Variants in EPPK1 observed in about 807,000 individuals in gnomAD.
EPPK1 encodes the protein epiplakin 1.
For missense variants in EPPK1, 3,823 were observed against 3,673.3 expected (o/e 1.04, Z -1.05); for synonymous variants, 1,862 against 1,721.2 (o/e 1.08, Z -2.03).
Position 143,867,184 on chromosome 8 carries a change from G to A in EPPK1, c.6070C>T (p.Arg2024Trp), listed in dbSNP as rs782809770. 31 of 1,612,616 alleles carry A rather than the reference G, an allele frequency of 1.9e-5. No homozygotes were observed. The Middle Eastern group carries it at 4.9e-4, about 26-fold the overall frequency. The change falls in exon 2 of 2, where the codon CGG becomes TGG. Residue 2024 changes from arginine to tryptophan, a missense_variant. Arg to Trp is a moderately radical substitution (Grantham distance 101). Transcript: ENST00000615648. ...CTGTAGGCTGTTTCCAGTGGGAGCC[G>A]GTGGTGGTGCTGTGGGTCGATGACA... ...GGVIDPQHHH[R>W]LPLETAYRRG...
Position 143,873,291 on chromosome 8 carries a change from C to T in EPPK1, c.-38G>A, listed in dbSNP as rs1554661936. 2.0e-6 allele frequency: 3 copies of T among 1,487,106 alleles called. No individual in the cohort carries two copies. Among genetic ancestry groups the T allele is most frequent in the African/African-American group, 2.8e-5 (2 of 71,296 alleles). 92.1% of individuals were successfully genotyped at this position (1,487,106 alleles called of 1,614,324 possible). On this transcript the variant is annotated 5_prime_UTR_variant, in exon 2 of 2. In the 5' UTR this introduces an upstream ATG that the reference lacks. Coordinates refer to ENST00000615648, the MANE Select transcript of EPPK1 (RefSeq NM_031308.4). Reference sequence around the variant, plus strand: ...GTTATGCAGAGCCTGCTGAGGTCCACCTCTGTCCTGCAGGGGACAGAAAGG... The same window carrying T: ...GTTATGCAGAGCCTGCTGAGGTCCATCTCTGTCCTGCAGGGGACAGAAAGG...
Position 143,868,432 on chromosome 8 carries a change from G to C in EPPK1, c.4822C>G (p.Gln1608Glu). The change falls in exon 2 of 2, where the codon CAG becomes GAG. Residue 1608 changes from glutamine (Q) to glutamate (E), a missense_variant. Transcript: ENST00000615648. ...TCGATGATGAAGCCGGTAGCTGCCT[G>C]TGCCTCCAGCAGCACCAGGGCTGTG... ...PGTALVLLEA[Q>E]AATGFIIDPV... The C allele has an allele frequency of 6.2e-7, 1 of 1,612,598 alleles. No homozygotes were observed.
rs782150393 is a variant in EPPK1 at position 143,870,967 on chromosome 8, C to T, written c.2287G>A (p.Asp763Asn). 3.7e-6 allele frequency: 6 copies of T among 1,613,500 alleles called. No individual in the cohort carries two copies. Among genetic ancestry groups the T allele is most frequent in the South Asian group, 2.2e-5 (2 of 91,088 alleles). ...TTGGGGTCGAAGAAGCCCTTGGTGTCGTCAGAAGGGTCCAACAGGATCAAG... is the reference window on the plus strand; with the variant it reads ...TTGGGGTCGAAGAAGCCCTTGGTGTTGTCAGAAGGGTCCAACAGGATCAAG... Reference protein sequence around the residue: ...LNLILLDPSDDTKGFFDPNTH... With the variant: ...LNLILLDPSDNTKGFFDPNTH... Residue 763 changes from aspartate to asparagine, a missense_variant, in exon 2 of 2, where the codon GAC (aspartate) becomes AAC (asparagine). Coordinates refer to ENST00000615648, the MANE Select transcript of EPPK1 (RefSeq NM_031308.4). The surrounding 1 kb of genome is among the most constrained non-coding windows in gnomAD (Gnocchi z 5.2).
At position 143,868,958 on chromosome 8, in the gene EPPK1, C is replaced by T; in HGVS notation, c.4296G>A (p.Leu1432=). Residue 1432 remains leucine, a synonymous_variant, in exon 2 of 2, where the codon TTG becomes TTA. Transcript: ENST00000615648. ...VCDSETGLLL[L]PLPSDTVLEV... is the part of the protein sequence containing the mutation. ...CAAGCACTGTGTCTGAGGGCAGTGG[C>T]AACAGCAACAATCCGGTCTCGGAGT... is the stretch of plus-strand genomic sequence containing the variant. 1 of 1,610,756 alleles carries T rather than the reference C, an allele frequency of 6.2e-7. No homozygotes were observed. Among genetic ancestry groups the T allele is most frequent in the South Asian group, 1.1e-5 (1 of 91,076 alleles).
rs782392788 is a variant in EPPK1 at position 143,869,873 on chromosome 8, C to G, written c.3381G>C (p.Gln1127His). ...GCACGGCCTGCAGGCTCCTCTGGAC[C>G]TGCTCCTCGGTGGGGAGGGCAGGAG... ...ESAPALPTEEQVQRSLQAVPG... is the reference protein window; with the variant it reads ...ESAPALPTEEHVQRSLQAVPG... The change falls in exon 2 of 2, where the codon CAG becomes CAC. Residue 1127 changes from glutamine (Q) to histidine (H), a missense_variant. Physicochemically the swap from Gln to His is conservative, Grantham distance 24 (BLOSUM62 0). Transcript: ENST00000615648. 1 of 1,605,232 alleles carries G rather than the reference C, an allele frequency of 6.2e-7. No homozygotes were observed. Among genetic ancestry groups the G allele is most frequent in the South Asian group, 1.1e-5 (1 of 89,488 alleles).
Position 143,867,900 on chromosome 8 carries a change from C to G in EPPK1, c.5354G>C (p.Arg1785Pro), listed in dbSNP as rs189786019. 7.0e-5 allele frequency: 113 copies of G among 1,613,452 alleles called. No homozygotes were observed. Among genetic ancestry groups the G allele is most frequent in the Non-Finnish European group, 8.7e-5 (103 of 1,179,752 alleles). The part of the protein sequence containing the change: ...HVLQSRTAKM[R>P]VGRFADQVVS... ...CACCTGGTCAGCAAACCTCCCCACG[C>G]GCATTTTTGCAGTTCTGGATTGCAA... The change falls in exon 2 of 2, where the codon CGC becomes CCC. Residue 1785 changes from arginine to proline, a missense_variant. Coordinates refer to ENST00000615648, the MANE Select transcript of EPPK1 (RefSeq NM_031308.4).
At position 143,870,808 on chromosome 8, in the gene EPPK1, TCTGGAAGGCCTG is replaced by T. The variant is rs1554660925; in HGVS notation, c.2434_2445del (p.Gln812_Gln815del). On this transcript the variant is annotated inframe_deletion, in exon 2 of 2. Transcript: ENST00000615648. This position sits in a 1 kb window ranked among gnomAD's most constrained non-coding sequence, Gnocchi z 5.2. The stretch of plus-strand genomic sequence containing the variant: ...CCATACTTCACGGAGAGCAGCAGGT[TCTGGAAGGCCTG>T]CTGGGTGGCACTGTCCACCAGCGGG... 2 of 1,612,690 alleles carry T rather than the reference TCTGGAAGGCCTG, an allele frequency of 1.2e-6. No homozygotes were observed. The highest frequency in any genetic ancestry group is 3.3e-5 in the Admixed American group (2 of 60,012).
rs565023001 is a variant in EPPK1 at position 143,873,127 on chromosome 8, T to C, written c.127A>G (p.Ile43Val). 23 of 1,579,188 alleles carry C rather than the reference T, an allele frequency of 1.5e-5. No individual in the cohort carries two copies. The African/African-American group carries it at 2.2e-4, about 15-fold the overall frequency. Residue 43 changes from isoleucine to valine, a missense_variant, in exon 2 of 2, where the codon ATA becomes GTA. Physicochemically the swap from Ile to Val is conservative, Grantham distance 29 (BLOSUM62 3). Coordinates refer to ENST00000615648, the MANE Select transcript of EPPK1 (RefSeq NM_031308.4). ...GAGGCCTCCACATACACCCCAGCTA[T>C]GCTCCTGGCCTGGGGCCTGGGGGGC... Reference protein sequence around the residue: ...GTPPRPQARSIAGVYVEASGQ... With the variant: ...GTPPRPQARSVAGVYVEASGQ...
upstream of EPPK1, chr8:143,878,536 T>C (rs1163250381): frequency 7.3e-6 from 1 of 136,790 alleles, no homozygotes; most frequent in South Asian, 2.0e-4. Context: ...GGCGCCCAGG[T>C]CGGGGCCCCG....
chr8:143,872,954 C>A lies in EPPK1; in HGVS notation c.300G>T (p.Gln100His). ...GQLLPVSKALQQGLVGLELKE... is the reference protein window; with the variant it reads ...GQLLPVSKALHQGLVGLELKE... ...TCAGCTCCAGCCCCACCAGACCCTG[C>A]TGCAGGGCCTTGGACACAGGGAGCA... is the stretch of plus-strand genomic sequence containing the variant. Residue 100 changes from glutamine to histidine, a missense_variant, in exon 2 of 2, where the codon CAG becomes CAT. By Grantham distance (24) the Gln-to-His change is conservative (BLOSUM62 0). Coordinates refer to ENST00000615648, the MANE Select transcript of EPPK1 (RefSeq NM_031308.4). The A allele has an allele frequency of 6.2e-7, 1 of 1,608,234 alleles. No homozygotes were observed. Among genetic ancestry groups the A allele is most frequent in the South Asian group, 1.1e-5 (1 of 90,808 alleles).
At chr8:143,875,613 T>C (rs573060679) in intron 1 of EPPK1, among the ~76,000 whole-genome samples, 3 of 152,372 alleles carry the variant, frequency 2.0e-5, no homozygotes, top group East Asian at 1.9e-4. Context: ...ACGACCAGCA[T>C]TGGAGAAAGC....
rs1554661222 is a variant in EPPK1 at position 143,871,580 on chromosome 8, G to A, written c.1674C>T (p.Val558=). 3 of 1,609,786 alleles carry A rather than the reference G, an allele frequency of 1.9e-6. No individual in the cohort carries two copies. Among genetic ancestry groups the A allele is most frequent in the African/African-American group, 2.7e-5 (2 of 75,002 alleles). ...CGGTGTCCCTCAGCCCAGAAAAGGT[G>A]ACCCTGGCAGTGGCTGCAGCCTGCT... is the stretch of plus-strand genomic sequence containing the variant. The part of the protein sequence containing the change: ...TLEQAAATAR[V]TFSGLRDTVT... The change falls in exon 2 of 2, where the codon GTC becomes GTT. Residue 558 remains valine, a synonymous_variant. Transcript: ENST00000615648.
rs1554660663 is a variant in EPPK1 at position 143,870,197 on chromosome 8, C to G, written c.3057G>C (p.Gln1019His). 12 of 1,611,110 alleles carry G rather than the reference C, an allele frequency of 7.4e-6. No individual in the cohort carries two copies. The part of the protein sequence containing the change: ...AGFRDPFSGK[Q>H]VSVFQAMKKG... Reference sequence around the variant, plus strand: ...TCTTCATGGCCTGGAACACAGACACCTGCTTCCCAGAGAAGGGGTCTCTGA... The same window carrying G: ...TCTTCATGGCCTGGAACACAGACACGTGCTTCCCAGAGAAGGGGTCTCTGA... Residue 1019 changes from glutamine to histidine, a missense_variant, in exon 2 of 2, where the codon CAG (glutamine) becomes CAC (histidine). By Grantham distance (24) the Gln-to-His change is conservative. Coordinates refer to ENST00000615648, the MANE Select transcript of EPPK1 (RefSeq NM_031308.4). The surrounding 1 kb of genome is among the most constrained non-coding windows in gnomAD (Gnocchi z 5.2).
chr8:143,869,214 A>T lies in EPPK1; in HGVS notation c.4040T>A (p.Val1347Glu), dbSNP rs1430025742. The change falls in exon 2 of 2, where the codon GTG becomes GAG. Residue 1347 changes from valine (V) to glutamate (E), a missense_variant. Val to Glu is a moderately radical substitution (Grantham distance 121). Coordinates refer to ENST00000615648, the MANE Select transcript of EPPK1 (RefSeq NM_031308.4). ...GAGGGGCAAGCCCTCGTTCTGTGGC[A>T]CGAGCCCCTTCTCCATGGCCTGCCA... ...SLWQAMEKGL[V>E]PQNEGLPLLQ... is the part of the protein sequence containing the mutation. 7.5e-6 allele frequency: 12 copies of T among 1,610,410 alleles called. No individual in the cohort carries two copies. The African/African-American group carries it at 8.0e-5, about 11-fold the overall frequency.
chr8:143,872,553 G>A lies in EPPK1; in HGVS notation c.701C>T (p.Thr234Ile), dbSNP rs1554661610. ...SGLALLPLKI[T>I]FRSMGGAVSA... ...CACCGCCCCGCCCATGGAGCGGAAG[G>A]TGATCTTGAGGGGCAGCAAGGCTAG... The change falls in exon 2 of 2, where the codon ACC (threonine) becomes ATC (isoleucine). Residue 234 changes from threonine to isoleucine, a missense_variant. Transcript: ENST00000615648. 4 of 1,606,360 alleles carry A rather than the reference G, an allele frequency of 2.5e-6. No homozygotes were observed. The highest frequency in any genetic ancestry group is 2.2e-5 in the East Asian group (1 of 44,728).
chr8:143,869,115 C>G lies in EPPK1; in HGVS notation c.4139G>C (p.Cys1380Ser), dbSNP rs782472201. ...HGVHLPQAAA[C>S]RLGLLDTQTS... ...CTGTGTGTCCAGAAGGCCGAGTCTG[C>G]AGGCTGCCGCCTGGGGCAGGTGCAC... The change falls in exon 2 of 2, where the codon TGC becomes TCC. Residue 1380 changes from cysteine to serine, a missense_variant. By Grantham distance (112) the Cys-to-Ser change is moderately radical. Transcript: ENST00000615648. 6.2e-7 allele frequency: 1 copy of G among 1,606,208 alleles called. No homozygotes were observed. Among genetic ancestry groups the G allele is most frequent in the South Asian group, 1.1e-5 (1 of 91,058 alleles).
chr8:143,877,526 G>A (rs1421645244), intron 1 of EPPK1, among the ~76,000 whole-genome samples: 3 of 152,172 alleles, frequency 2.0e-5, no homozygotes, highest in African/African-American at 7.2e-5. Flanking sequence ...GTGGAGGGCC[G>A]TTCCTGAGGA....
rs782452886 is a variant in EPPK1 at position 143,867,096 on chromosome 8, C to T, written c.6158G>A (p.Arg2053Gln). The change falls in exon 2 of 2, where the codon CGG becomes CAG. Residue 2053 changes from arginine to glutamine, a missense_variant. Transcript: ENST00000615648. ...LISDQKHMRK[R>Q]FVDPNTQEKV... is the part of the protein sequence containing the mutation. ...CTCTTGCGTGTTCGGGTCCACAAAC[C>T]GTTTCCTCATGTGCTTCTGGTCGGA... 3.7e-5 allele frequency: 59 copies of T among 1,612,848 alleles called. No individual in the cohort carries two copies. Among genetic ancestry groups the T allele is most frequent in the Non-Finnish European group, 4.6e-5 (54 of 1,179,858 alleles).
Position 143,869,950 on chromosome 8 carries a change from A to C in EPPK1, c.3304T>G (p.Cys1102Gly). Residue 1102 changes from cysteine (C) to glycine (G), a missense_variant, in exon 2 of 2, where the codon TGC (cysteine) becomes GGC (glycine). Physicochemically the swap from Cys to Gly is radical, Grantham distance 159. Coordinates refer to ENST00000615648, the MANE Select transcript of EPPK1 (RefSeq NM_031308.4). ...AGGCCAGAAGTCTCATCCCTGGGGC[A>C]CTCCTCCAGGAGCTGGGCATAGCTC... ...RTSYAQLLEECPRDETSGLHL... is the reference protein window; with the variant it reads ...RTSYAQLLEEGPRDETSGLHL... 2 of 1,607,008 alleles carry C rather than the reference A, an allele frequency of 1.2e-6. No homozygotes were observed. Among genetic ancestry groups the C allele is most frequent in the South Asian group, 2.2e-5 (2 of 90,154 alleles).
Sources: gnomAD v4.1 joint callset for allele counts (sites outside exome capture counted in the v4.1 genomes callset) on GRCh38, gnomAD v4.1.1 for gene constraint, Gnocchi (gnomAD v3.1) non-coding constraint, MANE v1.5 for transcripts, NCBI Gene and HGNC (gene_info 2026-07-23, HGNC 2026-07-21) for gene names.